Variants in CDH12 observed in about 807,000 individuals in gnomAD.
CDH12 encodes the protein cadherin-12.
A neutral mutation model predicts 74.1 loss-of-function variants in CDH12; 41 were observed. The ratio of observed to expected loss-of-function variants is 0.55; its 90% CI spans 0.43 to 0.72. The LOEUF (loss-of-function observed/expected upper bound fraction) is 0.72. Ranked by LOEUF, CDH12 falls within the 30% of genes least tolerant of loss-of-function variation. The probability of loss-of-function intolerance (pLI) is 0.00; values close to 1 mark genes in which losing one functional copy is unlikely to be tolerated. For synonymous variants in CDH12, 399 were observed against 355.0 expected, an observed-to-expected ratio of 1.12 and a Z score of -1.39; for missense variants, 945 against 977.2, an observed-to-expected ratio of 0.97 and a Z score of 0.44.
At chr5:22,651,850 G>GT (rs1013730642) in intron 1 of CDH12, among the ~76,000 whole-genome samples, 1 of 151,764 alleles carries the variant, frequency 6.6e-6, no homozygotes, top group African/African-American at 2.4e-5. Flanking sequence ...TAATATATCT[G>GT]TTTTTTAAAA....
At chr5:21,995,619 C>G (rs187876890) in intron 5 of CDH12, among the ~76,000 whole-genome samples, 179 of 151,862 alleles carry the variant, frequency 1.2e-3, no homozygotes, top group African/African-American at 4.2e-3. Context: ...CCCCACTCCC[C>G]TTTCCCAATT....
intron 5 of CDH12, among the ~76,000 whole-genome samples, chr5:21,987,286 G>C (rs1255248627): frequency 6.6e-6 from 1 of 152,058 alleles, no homozygotes; most frequent in East Asian, 1.9e-4. Flanking sequence ...TTTAATACAT[G>C]CAAAGTATAC....
At chr5:22,099,856 C>T (rs961992226) in intron 4 of CDH12, among the ~76,000 whole-genome samples, 3 of 152,064 alleles carry the variant, frequency 2.0e-5, no homozygotes, top group South Asian at 2.1e-4. Context: ...TCTCTTATTC[C>T]GTTTACTTTT....
chr5:21,888,143 C>G (rs549237456), intron 6 of CDH12, among the ~76,000 whole-genome samples: 1 of 152,202 alleles, frequency 6.6e-6, no homozygotes, highest in East Asian at 1.9e-4. Flanking sequence ...TATGGTGCAA[C>G]CGGAGGTTAA....
chr5:21,961,319 T>C (rs917529357), intron 6 of CDH12, among the ~76,000 whole-genome samples: 1 of 152,148 alleles, frequency 6.6e-6, no homozygotes, highest in Non-Finnish European at 1.5e-5. Flanking sequence ...AATCCTACTT[T>C]CTCTGGTATT....
At chr5:22,680,364 T>C (rs1741429000) in intron 1 of CDH12, among the ~76,000 whole-genome samples, 1 of 152,132 alleles carries the variant, frequency 6.6e-6, no homozygotes, top group Non-Finnish European at 1.5e-5. Context: ...CCTGTTGCTA[T>C]TAATATTGTT....
At chr5:22,258,165 C>G (rs77588389) in intron 3 of CDH12, among the ~76,000 whole-genome samples, 1,572 of 152,040 alleles carry the variant, frequency 0.01, 22 homozygotes, top group African/African-American at 0.034. Flanking sequence ...TAATAAAAAT[C>G]AGTTGGCGTA....
At chr5:22,308,416 C>A (rs988823170) in intron 3 of CDH12, among the ~76,000 whole-genome samples, 1 of 152,018 alleles carries the variant, frequency 6.6e-6, no homozygotes, top group Non-Finnish European at 1.5e-5. Flanking sequence ...ATTATTTTGA[C>A]CATGTATGAC....
intron 6 of CDH12, among the ~76,000 whole-genome samples, chr5:21,941,329 T>A (rs1298240852): frequency 6.6e-6 from 1 of 152,176 alleles, no homozygotes; most frequent in Non-Finnish European, 1.5e-5. Flanking sequence ...GACAACATAA[T>A]GGTTTCTTGA....
chr5:22,271,036 A>G (rs1174517432), intron 3 of CDH12, among the ~76,000 whole-genome samples: 1 of 152,034 alleles, frequency 6.6e-6, no homozygotes, highest in Non-Finnish European at 1.5e-5. Context: ...AAATATTTTT[A>G]TATACCTTTT....
chr5:21,942,347 TACACACACAC>T lies in CDH12; in HGVS notation c.526+32734_526+32743del, dbSNP rs70957081. 9.6e-4 allele frequency among the ~76,000 whole-genome samples: 124 copies of T among 129,648 alleles called. 1 individual carries two copies. Among genetic ancestry groups the T allele is most frequent in the East Asian group, 1.5e-3 (7 of 4,614 alleles). The allele number at this position is 129,648 out of a possible 152,430, so 85.1% of individuals were successfully genotyped here. A position where few individuals can be genotyped will look rare whatever the true frequency, so the allele number is the denominator to read the frequency against. ...GAGACAAATACAGTATATATATATATACACACACACACACACACACACACACACACACACA... is the reference window on the plus strand; with the variant it reads ...GAGACAAATACAGTATATATATATATACACACACACACACACACACACACA... On this transcript the variant is annotated intron_variant, in intron 6 of 14. Transcript: ENST00000382254.
chr5:22,114,418 C>A (rs181554590), intron 4 of CDH12, among the ~76,000 whole-genome samples: 3 of 152,100 alleles, frequency 2.0e-5, no homozygotes, highest in African/African-American at 7.2e-5. Context: ...CTTTAGAGTT[C>A]TGGACAATTG....
At chr5:22,099,024 C>T (rs1388100361) in intron 4 of CDH12, among the ~76,000 whole-genome samples, 3 of 152,144 alleles carry the variant, frequency 2.0e-5, no homozygotes, top group Non-Finnish European at 4.4e-5. Flanking sequence ...CTTCCCTACA[C>T]ATCAAGCTAA....
chr5:22,028,862 T>C (rs1479760658), intron 5 of CDH12, among the ~76,000 whole-genome samples: 1 of 152,098 alleles, frequency 6.6e-6, no homozygotes, highest in East Asian at 1.9e-4. Flanking sequence ...CTTCAAACTA[T>C]ACTACAAGGC....
intron 2 of CDH12, among the ~76,000 whole-genome samples, chr5:22,474,415 C>A (rs1265307625): frequency 6.6e-6 from 1 of 151,986 alleles, no homozygotes; most frequent in Admixed American, 6.6e-5. Context: ...GTGGCATGAT[C>A]AAGAATAAAG....
intron 4 of CDH12, among the ~76,000 whole-genome samples, chr5:22,106,399 G>T (rs1561117240): frequency 6.6e-6 from 1 of 152,106 alleles, no homozygotes; most frequent in Non-Finnish European, 1.5e-5. Context: ...TACAGGATAA[G>T]GTAGATATTC....
chr5:21,882,559 G>A (rs1752410639), intron 6 of CDH12: 5 of 1,349,772 alleles, frequency 3.7e-6, no homozygotes, highest in South Asian at 2.3e-5. Context: ...GTCTCGCCGC[G>A]CGCATGCCCT....
chr5:22,333,275 T>C (rs967275758), intron 3 of CDH12, among the ~76,000 whole-genome samples: 1 of 150,930 alleles, frequency 6.6e-6, no homozygotes, highest in African/African-American at 2.4e-5. Context: ...TGATAACACA[T>C]GGACACAACG....
Position 22,474,995 on chromosome 5 carries a change from A to T in CDH12, c.-428+30275T>A, listed in dbSNP as rs542627541. 3.3e-4 allele frequency among the ~76,000 whole-genome samples: 50 copies of T among 151,666 alleles called. No individual in the cohort carries two copies. In the South Asian group the frequency reaches 6.7e-3, roughly 20 times the overall value. On this transcript the variant is annotated intron_variant, in intron 2 of 14. Coordinates refer to ENST00000382254, the MANE Select transcript of CDH12 (RefSeq NM_004061.5). ...GTCCAGGTTAGATAGATGAGGTCCC[A>T]TCTCTACTACTAAGCAAAATCCTGG...
Sources: gnomAD v4.1 joint callset for allele counts (sites outside exome capture counted in the v4.1 genomes callset) on GRCh38, gnomAD v4.1.1 for gene constraint, MANE v1.5 for transcripts, NCBI Gene and HGNC (gene_info 2026-07-23, HGNC 2026-07-21) for gene names.